ARMC8: variants seen among roughly 807,000 people sequenced by gnomAD.
ARMC8 encodes armadillo repeat-containing protein 8.
ARMC8 carries 20 observed loss-of-function variants against 99.3 expected under a neutral mutation model. The ratio of observed to expected loss-of-function variants is 0.20; its 90% confidence interval spans 0.14 to 0.29. The LOEUF (loss-of-function observed/expected upper bound fraction) is 0.29. ARMC8 is among the 10% of genes least tolerant of loss of function. The pLI is 1.00. For synonymous variants in ARMC8, 263 were observed against 278.3 expected (o/e 0.95, Z 0.55); for missense variants, 569 against 809.5 (o/e 0.70, Z 3.60).
chr3:138,256,621 A>G (rs2047423722), intron 12 of ARMC8, among the ~76,000 whole-genome samples: 1 of 151,868 alleles, frequency 6.6e-6, no homozygotes, highest in Non-Finnish European at 1.5e-5. Flanking sequence ...CGTGTTAGCC[A>G]GGATGTTCTC....
intron 5 of ARMC8, 177 bp from the exon 6 acceptor site, chr3:138,228,741 A>G (rs1029905606): frequency 1.8e-6 from 1 of 571,196 alleles, no homozygotes; most frequent in Non-Finnish European, 3.3e-6. Flanking sequence ...TTTCTTTGTC[A>G]TTGGCCTAGA....
intron 12 of ARMC8, among the ~76,000 whole-genome samples, chr3:138,247,554 G>A (rs913684882): frequency 2.0e-5 from 3 of 152,208 alleles, no homozygotes; most frequent in Non-Finnish European, 2.9e-5. Context: ...CAATACATTC[G>A]GTAAATAACA....
At chr3:138,282,613 G>C (rs571163478) in intron 18 of ARMC8, among the ~76,000 whole-genome samples, 2 of 146,954 alleles carry the variant, frequency 1.4e-5, no homozygotes, top group African/African-American at 5.1e-5. Context: ...CTCTAGCCTG[G>C]TGACAGAGTG....
At chr3:138,272,796 C>T (rs1343426136) in intron 16 of ARMC8, among the ~76,000 whole-genome samples, 171 bp from the exon 17 acceptor site, 4 of 152,044 alleles carry the variant, frequency 2.6e-5, no homozygotes, top group African/African-American at 7.2e-5. Context: ...TGCTTGAACC[C>T]GGGAGGCAGA....
intron 1 of ARMC8, among the ~76,000 whole-genome samples, chr3:138,196,264 G>A (rs1277661090): frequency 6.6e-6 from 1 of 152,110 alleles, no homozygotes; most frequent in Non-Finnish European, 1.5e-5. Flanking sequence ...CTGAGACGGT[G>A]AGAATTAGGA....
chr3:138,220,213 G>A lies in ARMC8; in HGVS notation c.123-1713G>A, dbSNP rs564822195. Among the ~76,000 whole-genome samples the A allele has an allele frequency of 9.2e-5, 14 of 152,240 alleles. 1 individual carries two copies. The South Asian group carries it at 2.7e-3, about 29-fold the overall frequency. On this transcript the variant is annotated intron_variant, in intron 2 of 21. Transcript: ENST00000469044. ...AGAAAACAGGCATCCATGAGGATGCGGGAGCTTAGAAATCTCTTACTAACT... is the reference window on the plus strand; with the variant it reads ...AGAAAACAGGCATCCATGAGGATGCAGGAGCTTAGAAATCTCTTACTAACT...
In ARMC8 at chr3:138,211,065, C is replaced by A. The variant is rs562767646; in HGVS notation, c.122+1172C>A. Reference sequence around the variant, plus strand: ...AGACTTTATAATTATTTAATCACTCCTTTTTAGACTAGTTTAATTATTACC... The same window carrying A: ...AGACTTTATAATTATTTAATCACTCATTTTTAGACTAGTTTAATTATTACC... On this transcript the variant is annotated intron_variant, in intron 2 of 21. Coordinates refer to ENST00000469044, the MANE Select transcript of ARMC8 (RefSeq NM_001363941.2). 2.6e-5 allele frequency among the ~76,000 whole-genome samples: 4 copies of A among 152,176 alleles called. No homozygotes were observed. In the South Asian group the frequency reaches 8.3e-4, roughly 32 times the overall value.
chr3:138,255,753 A>C (rs2047368007), intron 12 of ARMC8, among the ~76,000 whole-genome samples: 1 of 152,164 alleles, frequency 6.6e-6, no homozygotes, highest in South Asian at 2.1e-4. Context: ...GCCGAGGTGA[A>C]TAGATCCCTT....
intron 2 of ARMC8, among the ~76,000 whole-genome samples, chr3:138,215,417 C>G (rs185465988): frequency 6.6e-6 from 1 of 152,008 alleles, no homozygotes; most frequent in Non-Finnish European, 1.5e-5. Context: ...GGGGTTTCAC[C>G]GTGTTAACCA....
At chr3:138,207,209 G>GCCTT (rs1173633420) in intron 1 of ARMC8, among the ~76,000 whole-genome samples, 1 of 152,166 alleles carries the variant, frequency 6.6e-6, no homozygotes, top group Non-Finnish European at 1.5e-5. Flanking sequence ...CCTGAAAGAA[G>GCCTT]CCTTCCCTGA....
intron 1 of ARMC8, among the ~76,000 whole-genome samples, chr3:138,196,871 A>T (rs901148644): frequency 6.6e-6 from 1 of 152,212 alleles, no homozygotes; most frequent in Non-Finnish European, 1.5e-5. Context: ...CCGTCTCAAA[A>T]AAAATTTTTT....
At chr3:138,277,762 G>A (rs6790657) in intron 18 of ARMC8, among the ~76,000 whole-genome samples, 2 of 152,094 alleles carry the variant, frequency 1.3e-5, no homozygotes, top group East Asian at 1.9e-4. Flanking sequence ...CGTGCCATAC[G>A]ACCCAGCAAT....
At chr3:138,203,384 A>G (rs1304540401) in intron 1 of ARMC8, among the ~76,000 whole-genome samples, 1 of 152,220 alleles carries the variant, frequency 6.6e-6, no homozygotes, top group Non-Finnish European at 1.5e-5. Flanking sequence ...CCTCTGGCCC[A>G]AGATCTCTTA....
chr3:138,253,356 T>A (rs927646348), intron 12 of ARMC8, among the ~76,000 whole-genome samples: 1 of 152,210 alleles, frequency 6.6e-6, no homozygotes, highest in Non-Finnish European at 1.5e-5. Flanking sequence ...AGATAGTTTT[T>A]GCAGATCAGG....
At chr3:138,206,999 G>T (rs73867044) in intron 1 of ARMC8, among the ~76,000 whole-genome samples, 2,595 of 152,274 alleles carry the variant, frequency 0.017, 68 homozygotes, top group African/African-American at 0.06. Flanking sequence ...TCCAATTGTG[G>T]TCCACCTATT....
intron 2 of ARMC8, among the ~76,000 whole-genome samples, chr3:138,210,944 C>T (rs6784950): frequency 6.6e-6 from 1 of 152,062 alleles, no homozygotes; most frequent in African/African-American, 2.4e-5. Flanking sequence ...CACCGAGATA[C>T]TTGACGCTTA....
intron 13 of ARMC8, 128 bp downstream of exon 13, chr3:138,263,949 A>G: frequency 9.8e-7 from 1 of 1,018,016 alleles, no homozygotes; most frequent in Non-Finnish European, 1.5e-6. Flanking sequence ...GAATTCATAG[A>G]GTATATAACA....
At chr3:138,199,112 A>G (rs1157786370) in intron 1 of ARMC8, among the ~76,000 whole-genome samples, 1 of 152,150 alleles carries the variant, frequency 6.6e-6, no homozygotes, top group Non-Finnish European at 1.5e-5. Flanking sequence ...CGAAGTTACT[A>G]GAGGCTACAG....
At chr3:138,273,269 G>C (rs138638454) in intron 17 of ARMC8, among the ~76,000 whole-genome samples, 153 bp downstream of exon 17, 1 of 152,182 alleles carries the variant, frequency 6.6e-6, no homozygotes, top group Non-Finnish European at 1.5e-5. Context: ...GTCTAAACCT[G>C]TCACCTTCGT....
Sources: allele counts gnomAD v4.1 joint callset (sites outside exome capture counted in the v4.1 genomes callset), GRCh38; gene constraint gnomAD v4.1.1; transcripts MANE v1.5; gene names NCBI Gene and HGNC (gene_info 2026-07-23, HGNC 2026-07-21).